The following ADAM23 variants were observed in gnomAD, a reference collection of about 807,000 sequenced individuals.
ADAM23 encodes disintegrin and metalloproteinase domain-containing protein 23.
ADAM23 carries 33 observed loss-of-function variants against 120.1 expected under a neutral mutation model. The observed-to-expected ratio is 0.27, with a 90% CI of 0.21 to 0.37. ADAM23 has a LOEUF of 0.37. Ranked by LOEUF, ADAM23 falls within the 10% of genes least tolerant of loss-of-function variation. ADAM23 has a pLI of 1.00. For synonymous variants in ADAM23, 367 were observed against 375.2 expected, an observed-to-expected ratio of 0.98 and a Z score of 0.25; for missense variants, 862 against 1,058.2, an observed-to-expected ratio of 0.81 and a Z score of 2.57.
intron 24 of ADAM23, among the ~76,000 whole-genome samples, chr2:206,604,137 G>A (rs1396406826): frequency 5.3e-5 from 8 of 151,938 alleles, no homozygotes; most frequent in South Asian, 2.1e-4. Flanking sequence ...GTGGTGGTGC[G>A]CACCTGTAGT....
At position 206,542,161 on chromosome 2, in the gene ADAM23, A is replaced by T. The variant is rs767246517; in HGVS notation, c.656+27A>T. 73 of 1,601,740 alleles carry T rather than the reference A, an allele frequency of 4.6e-5. No homozygotes were observed. In the African/African-American group the frequency reaches 9.0e-4, roughly 20 times the overall value. ...TAAGTGGGAATCTCATTGGCATTTT[A>T]TTCATTGACCCTTTCCAGTTTCCCT... is the stretch of plus-strand genomic sequence containing the variant. On this transcript the variant is annotated intron_variant, in intron 5 of 25. Transcript: ENST00000264377.
At chr2:206,579,574 T>C (rs761700011) in intron 18 of ADAM23, among the ~76,000 whole-genome samples, 9 of 152,228 alleles carry the variant, frequency 5.9e-5, no homozygotes, top group East Asian at 1.9e-4. Flanking sequence ...GGGTTCTATA[T>C]GCCATTGGTC....
At chr2:206,566,089 A>G (rs1387311147) in intron 14 of ADAM23, among the ~76,000 whole-genome samples, 1 of 151,892 alleles carries the variant, frequency 6.6e-6, no homozygotes, top group African/African-American at 2.4e-5. Context: ...CTATAAGAAG[A>G]TAACACCTAT....
At chr2:206,605,526 ACAAAT>A (rs1039541488) in intron 24 of ADAM23, among the ~76,000 whole-genome samples, 4 of 150,384 alleles carry the variant, frequency 2.7e-5, no homozygotes, top group Admixed American at 6.7e-5. Flanking sequence ...AGGAACTATA[ACAAAT>A]TGAATTATTT....
At chr2:206,607,630 T>C (rs1464408863) in intron 24 of ADAM23, among the ~76,000 whole-genome samples, 2 of 152,192 alleles carry the variant, frequency 1.3e-5, no homozygotes, top group African/African-American at 2.4e-5. Context: ...CTATTTCTAA[T>C]TGTGACAGGT....
At chr2:206,447,080 T>C (rs939351011) in intron 2 of ADAM23, among the ~76,000 whole-genome samples, 6 of 152,174 alleles carry the variant, frequency 3.9e-5, no homozygotes, top group Admixed American at 1.3e-4. Context: ...GACTTGAAAT[T>C]TCAGTGGCAC....
intron 2 of ADAM23, among the ~76,000 whole-genome samples, chr2:206,450,594 T>G (rs1695172983): frequency 2.6e-5 from 4 of 152,222 alleles, no homozygotes; most frequent in Admixed American, 2.6e-4. Context: ...ATTTTGGTCT[T>G]GAGTTTTTAG....
intron 3 of ADAM23, among the ~76,000 whole-genome samples, chr2:206,523,690 T>C (rs949687111): frequency 6.6e-6 from 1 of 152,146 alleles, no homozygotes; most frequent in African/African-American, 2.4e-5. Flanking sequence ...TAAAGTCTTC[T>C]GTTACAAAAA....
Position 206,462,190 on chromosome 2 carries a change from A to G in ADAM23, c.432+16666A>G, listed in dbSNP as rs765427760. Among the ~76,000 whole-genome samples, 4 of 152,296 alleles carry G rather than the reference A, an allele frequency of 2.6e-5. No individual in the cohort carries two copies. In the South Asian group the frequency reaches 8.3e-4, roughly 32 times the overall value. ...AAAAACTGATGACCAATTTGCATAC[A>G]CATGCACACTTACACCTGTAAAGTT... is the stretch of plus-strand genomic sequence containing the variant. On this transcript the variant is annotated intron_variant, in intron 2 of 25. Coordinates refer to ENST00000264377, the MANE Select transcript of ADAM23 (RefSeq NM_003812.4).
chr2:206,459,392 C>A (rs1359377899), intron 2 of ADAM23, among the ~76,000 whole-genome samples: 2 of 152,122 alleles, frequency 1.3e-5, no homozygotes, highest in Non-Finnish European at 2.9e-5. Context: ...CTTTTAAGAC[C>A]TACTAATGCA....
intron 3 of ADAM23, among the ~76,000 whole-genome samples, chr2:206,521,005 A>T (rs1184067842): frequency 6.6e-6 from 1 of 151,856 alleles, no homozygotes. Flanking sequence ...TGTCTATAGG[A>T]TCTTCTCTTT....
chr2:206,597,745 A>G (rs9917389), intron 24 of ADAM23, among the ~76,000 whole-genome samples: 5 of 152,178 alleles, frequency 3.3e-5, no homozygotes, highest in African/African-American at 1.2e-4. Context: ...ACAGGTAGGA[A>G]AATGCATATA....
chr2:206,601,866 C>G (rs976255352), intron 24 of ADAM23, among the ~76,000 whole-genome samples: 1 of 151,566 alleles, frequency 6.6e-6, no homozygotes, highest in Non-Finnish European at 1.5e-5. Context: ...AGGTAGTAAT[C>G]AAGCTTATTA....
chr2:206,554,558 C>G (rs1418225828), intron 9 of ADAM23, among the ~76,000 whole-genome samples: 1 of 152,122 alleles, frequency 6.6e-6, no homozygotes, highest in Non-Finnish European at 1.5e-5. Context: ...AAAACCACTA[C>G]ATTTTATATA....
chr2:206,558,337 G>GA (rs978318108), intron 10 of ADAM23, among the ~76,000 whole-genome samples: 2 of 151,712 alleles, frequency 1.3e-5, no homozygotes, highest in African/African-American at 4.8e-5. Flanking sequence ...TCTTAAATGC[G>GA]AAAAAAACCC....
intron 2 of ADAM23, among the ~76,000 whole-genome samples, chr2:206,473,779 C>T (rs973146974): frequency 2.6e-5 from 4 of 151,478 alleles, no homozygotes; most frequent in South Asian, 2.1e-4. Flanking sequence ...GAGATCAAGG[C>T]GGGTGAATTG....
At chr2:206,582,984 A>T (rs951305338) in intron 18 of ADAM23, among the ~76,000 whole-genome samples, 6 of 152,116 alleles carry the variant, frequency 3.9e-5, no homozygotes, top group Admixed American at 2.0e-4. Flanking sequence ...AGCTCTAAAG[A>T]TTCTTTCCTT....
At chr2:206,536,139 G>A (rs1697168935) in intron 4 of ADAM23, among the ~76,000 whole-genome samples, 1 of 152,086 alleles carries the variant, frequency 6.6e-6, no homozygotes, top group South Asian at 2.1e-4. Context: ...TTACTGTATA[G>A]CATAATGTCC....
intron 8 of ADAM23, 51 bp downstream of exon 8, chr2:206,548,405 T>C (rs1366633204): frequency 1.3e-6 from 2 of 1,535,224 alleles, no homozygotes; most frequent in Admixed American, 3.4e-5. Flanking sequence ...AATGAAGTCA[T>C]GTGCCTATCA....
Sources: gnomAD v4.1 joint callset for allele counts (sites outside exome capture counted in the v4.1 genomes callset) on GRCh38, gnomAD v4.1.1 for gene constraint, MANE v1.5 for transcripts, NCBI Gene and HGNC (gene_info 2026-07-23, HGNC 2026-07-21) for gene names.